Variants in KCNN2 observed in about 807,000 individuals in gnomAD.
KCNN2 encodes the protein small conductance calcium-activated potassium channel protein 2.
KCNN2 carries 24 observed loss-of-function variants against 55.5 expected under a neutral mutation model. That is an observed-to-expected ratio of 0.43 (90% confidence interval 0.31 to 0.61). The LOEUF (loss-of-function observed/expected upper bound fraction) is 0.61. KCNN2 is among the 20% of genes least tolerant of loss of function. KCNN2 has a pLI of 0.08. For synonymous variants in KCNN2, 431 were observed against 336.1 expected (o/e 1.28, Z -3.09); for missense variants, 754 against 853.6 (o/e 0.88, Z 1.45).
intron 2 of KCNN2, among the ~76,000 whole-genome samples, chr5:114,305,644 C>T (rs1282012870): frequency 6.6e-6 from 1 of 152,112 alleles, no homozygotes; most frequent in Non-Finnish European, 1.5e-5. Flanking sequence ...GGGGGTGCTG[C>T]TATGGCAAGG....
chr5:114,086,838 G>C (rs1163182952), intron 1 of KCNN2, among the ~76,000 whole-genome samples: 2 of 152,124 alleles, frequency 1.3e-5, no homozygotes, highest in Non-Finnish European at 2.9e-5. Flanking sequence ...TCAGTTTTAA[G>C]TTCTTTGAGA....
chr5:114,368,128 C>T (rs1256437514), intron 2 of KCNN2, among the ~76,000 whole-genome samples: 2 of 152,024 alleles, frequency 1.3e-5, no homozygotes, highest in Non-Finnish European at 2.9e-5. Flanking sequence ...TATTCACTAG[C>T]TGTAAAACCC....
chr5:114,461,234 A>G (rs1486280151), intron 3 of KCNN2, among the ~76,000 whole-genome samples: 1 of 152,114 alleles, frequency 6.6e-6, no homozygotes, highest in Non-Finnish European at 1.5e-5. Context: ...CTCAGGGGAA[A>G]TGCACTCAGC....
chr5:114,265,001 A>C (rs544691291), intron 2 of KCNN2, among the ~76,000 whole-genome samples: 83 of 152,364 alleles, frequency 5.4e-4, no homozygotes, highest in Middle Eastern at 3.4e-3. Flanking sequence ...TGTTATATGA[A>C]AAACAAAACA....
In KCNN2 at chr5:114,241,690, G is replaced by A. The variant is rs55702110; in HGVS notation, c.-185+20125G>A. ...ATAAAAATGTTAGAATAAAATTTAC[G>A]AGAATATATATGTGGATATATATAT... On this transcript the variant is annotated intron_variant, in intron 2 of 10. Transcript: ENST00000512097. Among the ~76,000 whole-genome samples, 50 of 118,220 alleles carry A rather than the reference G, an allele frequency of 4.2e-4. 1 individual carries two copies. The highest frequency in any genetic ancestry group is 1.4e-3 in the African/African-American group (47 of 33,880). The allele number at this position is 118,220 out of a possible 152,430, so 77.6% of individuals were successfully genotyped here. A position where few individuals can be genotyped will look rare whatever the true frequency, so the allele number is the denominator to read the frequency against.
intron 2 of KCNN2, among the ~76,000 whole-genome samples, chr5:114,295,975 C>T (rs568375983): frequency 2.6e-5 from 4 of 151,990 alleles, no homozygotes; most frequent in African/African-American, 4.8e-5. Flanking sequence ...CTATAATTTC[C>T]GCTGGTAATA....
intron 2 of KCNN2, among the ~76,000 whole-genome samples, chr5:114,344,653 A>G (rs1276155929): frequency 2.0e-5 from 3 of 152,168 alleles, no homozygotes; most frequent in African/African-American, 7.2e-5. Context: ...AGCCCAAACT[A>G]TAAGGTATGG....
Position 114,139,707 on chromosome 5 carries a change from A to C in KCNN2, c.-270-81773A>C, listed in dbSNP as rs530984042. Among the ~76,000 whole-genome samples the C allele has an allele frequency of 1.1e-4, 17 of 151,756 alleles. No individual in the cohort carries two copies. The East Asian group carries it at 2.9e-3, about 26-fold the overall frequency. On this transcript the variant is annotated intron_variant, in intron 1 of 10. Coordinates refer to the KCNN2 transcript ENST00000512097. ...GCCATGTCTAAATATTCACATATAC[A>C]CTTGTATATTTTTTTTTCAAAAATC... is the stretch of plus-strand genomic sequence containing the variant.
chr5:114,325,558 G>A (rs1450338763), intron 2 of KCNN2, among the ~76,000 whole-genome samples: 2 of 152,154 alleles, frequency 1.3e-5, no homozygotes, highest in African/African-American at 2.4e-5. Flanking sequence ...TAAACCAGGA[G>A]TGTTTAGGAA....
intron 2 of KCNN2, among the ~76,000 whole-genome samples, chr5:114,394,884 T>C (rs930535396): frequency 1.3e-5 from 2 of 152,326 alleles, no homozygotes; most frequent in South Asian, 2.1e-4. Flanking sequence ...GATTAACTTA[T>C]GTTTTAAAAT....
chr5:114,479,681 T>C (rs1762137241), intron 5 of KCNN2, among the ~76,000 whole-genome samples: 1 of 152,136 alleles, frequency 6.6e-6, no homozygotes, highest in Non-Finnish European at 1.5e-5. Flanking sequence ...ACAAACAGTC[T>C]CAGACCACAG....
chr5:114,059,707 C>T (rs141849850), intron 1 of KCNN2, among the ~76,000 whole-genome samples: 5 of 152,222 alleles, frequency 3.3e-5, no homozygotes, highest in African/African-American at 4.8e-5. Context: ...GAGCCCTTTA[C>T]GAGACCCCAG....
chr5:114,276,931 G>C (rs886457133), intron 2 of KCNN2, among the ~76,000 whole-genome samples: 5 of 152,132 alleles, frequency 3.3e-5, no homozygotes, highest in African/African-American at 7.2e-5. Flanking sequence ...TTTCTTCATA[G>C]TGTCGATGGT....
intron 1 of KCNN2, among the ~76,000 whole-genome samples, chr5:114,123,573 C>T (rs1751869203): frequency 1.4e-5 from 1 of 72,874 alleles, no homozygotes; most frequent in African/African-American, 8.0e-5. Context: ...CTGTGTTAGC[C>T]AGAATGGTCT....
chr5:114,431,811 T>C (rs1759805411), intron 3 of KCNN2, among the ~76,000 whole-genome samples: 2 of 152,188 alleles, frequency 1.3e-5, no homozygotes, highest in South Asian at 4.1e-4. Flanking sequence ...TATTTTTAAA[T>C]TTCTCTTGAG....
At chr5:114,276,359 G>A (rs1755487160) in intron 2 of KCNN2, among the ~76,000 whole-genome samples, 1 of 152,150 alleles carries the variant, frequency 6.6e-6, no homozygotes, top group Non-Finnish European at 1.5e-5. Context: ...TTGGTCCAGA[G>A]CTGAGTTCAA....
At chr5:114,093,627 C>T (rs1027328077) in intron 1 of KCNN2, among the ~76,000 whole-genome samples, 5 of 152,176 alleles carry the variant, frequency 3.3e-5, no homozygotes, top group Non-Finnish European at 5.9e-5. Context: ...AGGAAACTTA[C>T]ATTCCTGGCG....
rs139859346 is a variant in KCNN2 at position 114,165,868 on chromosome 5, G to C, written c.-270-55612G>C. 1.3e-5 allele frequency among the ~76,000 whole-genome samples: 2 copies of C among 152,162 alleles called. 1 individual carries two copies. The highest frequency in any genetic ancestry group is 3.9e-4 in the East Asian group (2 of 5,180). On this transcript the variant is annotated intron_variant, in intron 1 of 10. Transcript: ENST00000512097. ...TGGAGAAGCCAAAAGTTATACATGG[G>C]TTTTTAACTGTGTGGGGGTTGGCGT...
intron 1 of KCNN2, among the ~76,000 whole-genome samples, chr5:114,061,552 C>G (rs534620843): frequency 6.6e-6 from 1 of 152,048 alleles, no homozygotes; most frequent in African/African-American, 2.4e-5. Context: ...CTTTTGTACA[C>G]TGTTCCCATT....
Sources: allele counts gnomAD v4.1 joint callset (sites outside exome capture counted in the v4.1 genomes callset), GRCh38; gene constraint gnomAD v4.1.1; transcripts MANE v1.5; gene names NCBI Gene and HGNC (gene_info 2026-07-23, HGNC 2026-07-21).